SATL1: variants seen among roughly 807,000 people sequenced by gnomAD.
SATL1 encodes the protein spermidine/spermine N1-acetyl transferase like 1.
SATL1 carries 47 observed loss-of-function variants against 51.8 expected under a neutral mutation model. The observed-to-expected ratio is 0.91, with a 90% CI of 0.72 to 1.16. The LOEUF is 1.16. Ranked by LOEUF, SATL1 falls within the 50% of genes most tolerant of loss-of-function variation. The pLI, the probability that SATL1 is intolerant of heterozygous loss-of-function variation, is 0.00. For synonymous variants in SATL1, 176 were observed against 182.4 expected, an observed-to-expected ratio of 0.97 and a Z score of 0.28; for missense variants, 520 against 526.4, an observed-to-expected ratio of 0.99 and a Z score of 0.12.
At chrX:85,243,311 T>A (rs951681290) in intron 1 of SATL1, among the ~76,000 whole-genome samples, 5 of 112,407 alleles carry the variant, frequency 4.4e-5, no homozygotes, top group Non-Finnish European at 7.5e-5. Context: ...CCCACCTACC[T>A]TTCATCACAT....
chrX:85,152,960 A>G (rs1926495266), intron 2 of SATL1, among the ~76,000 whole-genome samples: 1 of 110,291 alleles, frequency 9.1e-6, no homozygotes, highest in African/African-American at 3.3e-5. Flanking sequence ...TAAAACTTAA[A>G]GTATAATAAT....
At position 85,120,560 on chromosome X, in the gene SATL1, G is replaced by T. The variant is rs899286250; in HGVS notation, c.-312-11280C>A. The stretch of plus-strand genomic sequence containing the variant: ...TAGAGGAACTGCATTTCCAGAAATT[G>T]AGTTTATGTTAATGGTGGTTGATGA... On this transcript the variant is annotated intron_variant, in intron 2 of 7. Coordinates refer to ENST00000644105, the MANE Select transcript of SATL1 (RefSeq NM_001367857.2). Among the ~76,000 whole-genome samples the T allele has an allele frequency of 2.7e-5, 3 of 111,735 alleles. No homozygotes were observed. The Admixed American group carries it at 2.9e-4, about 11-fold the overall frequency.
chrX:85,138,153 G>A (rs1280390579), intron 2 of SATL1, among the ~76,000 whole-genome samples: 1 of 112,324 alleles, frequency 8.9e-6, no homozygotes, highest in Admixed American at 9.4e-5. Context: ...TTTGAGTCTG[G>A]TTCTGGTGCT....
intron 2 of SATL1, among the ~76,000 whole-genome samples, chrX:85,208,372 T>C (rs1927834525): frequency 9.0e-6 from 1 of 111,553 alleles, no homozygotes; most frequent in Non-Finnish European, 1.9e-5. Flanking sequence ...TACGTGTGCA[T>C]GTCTTTGTAG....
At chrX:85,187,629 T>A (rs1208098752) in intron 2 of SATL1, among the ~76,000 whole-genome samples, 1 of 112,092 alleles carries the variant, frequency 8.9e-6, no homozygotes, top group Non-Finnish European at 1.9e-5. Context: ...TTTATTGATT[T>A]CCGTATCTTG....
chrX:85,184,088 C>T (rs1448107516), intron 2 of SATL1, among the ~76,000 whole-genome samples: 1 of 111,524 alleles, frequency 9.0e-6, no homozygotes, highest in Admixed American at 9.6e-5. Flanking sequence ...CCCTTCAGTT[C>T]CATCTATATT....
At chrX:85,234,332 A>G (rs1351362645) in intron 1 of SATL1, among the ~76,000 whole-genome samples, 2 of 112,233 alleles carry the variant, frequency 1.8e-5, no homozygotes, top group Admixed American at 9.4e-5. Context: ...AAGAGTGTTA[A>G]TGAGTAATAA....
chrX:85,240,385 A>G (rs1928567149), intron 1 of SATL1, among the ~76,000 whole-genome samples: 1 of 111,762 alleles, frequency 8.9e-6, no homozygotes, highest in African/African-American at 3.3e-5. Flanking sequence ...TTTTCATCTC[A>G]TATTTCACCC....
intron 2 of SATL1, among the ~76,000 whole-genome samples, chrX:85,205,312 G>A (rs1927771629): frequency 1.8e-5 from 2 of 112,168 alleles, no homozygotes; most frequent in African/African-American, 6.5e-5. Flanking sequence ...CTATACATTG[G>A]TGAAAGAGTG....
At chrX:85,180,366 C>T (rs1927174479) in intron 2 of SATL1, among the ~76,000 whole-genome samples, 2 of 111,052 alleles carry the variant, frequency 1.8e-5, no homozygotes, top group African/African-American at 6.5e-5. Context: ...ATAGAGTGTA[C>T]TTACACAAAC....
At chrX:85,191,324 T>C (rs1438328046) in intron 2 of SATL1, among the ~76,000 whole-genome samples, 2 of 111,881 alleles carry the variant, frequency 1.8e-5, no homozygotes, top group Non-Finnish European at 3.8e-5. Flanking sequence ...ACACTGTATA[T>C]GATCAAATCA....
chrX:85,242,159 C>T (rs927563970), intron 1 of SATL1, among the ~76,000 whole-genome samples: 3 of 111,878 alleles, frequency 2.7e-5, no homozygotes, highest in Non-Finnish European at 5.6e-5. Context: ...AAATTATCTC[C>T]CACAGTGTAC....
chrX:85,193,739 T>C (rs1927491384), intron 2 of SATL1, among the ~76,000 whole-genome samples: 1 of 111,971 alleles, frequency 8.9e-6, no homozygotes, highest in African/African-American at 3.2e-5. Context: ...TTATCATCAT[T>C]TAGCTCCCAC....
chrX:85,123,030 T>C (rs1925540987), intron 2 of SATL1, among the ~76,000 whole-genome samples: 1 of 111,985 alleles, frequency 8.9e-6, no homozygotes, highest in Admixed American at 9.5e-5. Context: ...GTGATGCGTA[T>C]ATATCACATT....
chrX:85,138,918 G>T (rs1395811152), intron 2 of SATL1, among the ~76,000 whole-genome samples: 1 of 111,861 alleles, frequency 8.9e-6, no homozygotes, highest in Non-Finnish European at 1.9e-5. Flanking sequence ...AAGTCCTTAA[G>T]TAGGCAAGAA....
Position 85,108,891 on chromosome X carries a change from T to C in SATL1, c.78A>G (p.Ser26=). ...TCATGTCCATTTGGTTCATACCAAG[T>C]GAGTTTGTGCTTGGCTGGTTTATGC... ...QAGINQPSTN[S]LGMNQMDMNQ... is the part of the protein sequence containing the mutation. The change falls in exon 3 of 8, where the codon TCA becomes TCG. Residue 26 remains serine (S), a synonymous_variant. Transcript: ENST00000644105. 1 of 1,211,192 alleles carries C rather than the reference T, an allele frequency of 8.3e-7. No individual in the cohort carries two copies. The highest frequency in any genetic ancestry group is 1.1e-6 in the Non-Finnish European group (1 of 895,205).
intron 1 of SATL1, among the ~76,000 whole-genome samples, chrX:85,230,389 C>T (rs1928355525): frequency 8.9e-6 from 1 of 111,845 alleles, no homozygotes; most frequent in African/African-American, 3.2e-5. Context: ...TGAAATTGGT[C>T]ATTTCTTTAT....
At chrX:85,239,501 T>C (rs915938658) in intron 1 of SATL1, among the ~76,000 whole-genome samples, 2 of 111,993 alleles carry the variant, frequency 1.8e-5, no homozygotes, top group South Asian at 3.7e-4. Flanking sequence ...AATTTGTATA[T>C]AGACATGCTA....
chrX:85,151,111 A>G, intron 2 of SATL1, among the ~76,000 whole-genome samples: 1 of 109,266 alleles, frequency 9.2e-6, no homozygotes. Context: ...AAGCAACTTC[A>G]GCAAAGTCTC....
Sources: allele counts gnomAD v4.1 joint callset (sites outside exome capture counted in the v4.1 genomes callset), GRCh38; gene constraint gnomAD v4.1.1; transcripts MANE v1.5; gene names NCBI Gene and HGNC (gene_info 2026-07-23, HGNC 2026-07-21).